Variants in SPAG17 observed in about 807,000 individuals in gnomAD.
The protein encoded by SPAG17 is sperm associated antigen 17, also known as sperm-associated antigen 17.
A neutral mutation model predicts 273.6 loss-of-function variants in SPAG17; 169 were observed. The observed-to-expected ratio is 0.62, with a 90% CI of 0.55 to 0.70. The LOEUF (loss-of-function observed/expected upper bound fraction) is 0.70. Among genes scored for constraint, SPAG17 ranks in the 30% least tolerant of loss-of-function variants. The pLI is 0.00. For synonymous variants in SPAG17, 825 were observed against 873.2 expected, an observed-to-expected ratio of 0.94 and a Z score of 0.97; for missense variants, 2,557 against 2,627.8, an observed-to-expected ratio of 0.97 and a Z score of 0.59.
At chr1:117,983,385 C>T (rs918852708) in intron 42 of SPAG17, among the ~76,000 whole-genome samples, 1 of 152,198 alleles carries the variant, frequency 6.6e-6, no homozygotes, top group African/African-American at 2.4e-5. Flanking sequence ...TGTTGCATTA[C>T]ATGAGAACTC....
chr1:118,074,422 G>T, intron 16 of SPAG17, 117 bp downstream of exon 16: 2 of 857,040 alleles, frequency 2.3e-6, no homozygotes, highest in Non-Finnish European at 1.9e-6. Context: ...CTCTTTTCTA[G>T]CCTCAGTATT....
In SPAG17 at chr1:118,151,285, G is replaced by A. The variant is rs2102350124; in HGVS notation, c.172C>T (p.Gln58Ter). ...CTGAAGAGTTTACGCTGAGGGACCT[G>A]GACAGCCACGGTAAGGGCTTGGATG... ...LLIQALTVAV[Q>*]VPQRKLFSMV... The change falls in exon 2 of 49, where the codon CAG becomes TAG. Residue 58 changes from glutamine (Q) to a stop codon, truncating the protein, a stop_gained. Coordinates refer to ENST00000336338, the MANE Select transcript of SPAG17 (RefSeq NM_206996.4). LOFTEE classifies it high-confidence loss of function. 6.8e-6 allele frequency: 11 copies of A among 1,613,496 alleles called. No homozygotes were observed. The highest frequency in any genetic ancestry group is 8.5e-6 in the Non-Finnish European group (10 of 1,179,646).
At chr1:118,125,277 G>A (rs1046202990) in intron 3 of SPAG17, among the ~76,000 whole-genome samples, 1 of 150,780 alleles carries the variant, frequency 6.6e-6, no homozygotes, top group Admixed American at 6.6e-5. Context: ...AAATATTTAC[G>A]GGATACAAAG....
intron 13 of SPAG17, among the ~76,000 whole-genome samples, chr1:118,081,880 G>T (rs533144967): frequency 1.5e-3 from 222 of 152,296 alleles, no homozygotes; most frequent in African/African-American, 5.0e-3. Flanking sequence ...CTCCCAAACT[G>T]CTTCATAGCT....
chr1:118,061,296 AC>A (rs965090022), intron 18 of SPAG17, among the ~76,000 whole-genome samples: 2 of 152,248 alleles, frequency 1.3e-5, no homozygotes, highest in African/African-American at 4.8e-5. Context: ...AGATAAAAAA[AC>A]AACCTAAGTA....
intron 1 of SPAG17, among the ~76,000 whole-genome samples, chr1:118,165,388 T>C (rs2102380548): frequency 6.6e-6 from 1 of 152,150 alleles, no homozygotes; most frequent in East Asian, 1.9e-4. Context: ...CCTCCACTCT[T>C]AACCTCACTC....
At chr1:118,062,890 T>C (rs934083951) in intron 18 of SPAG17, among the ~76,000 whole-genome samples, 2 of 152,170 alleles carry the variant, frequency 1.3e-5, no homozygotes, top group Admixed American at 6.5e-5. Context: ...CAGTAGTCCA[T>C]AGAATATGTT....
At chr1:118,048,564 T>C (rs1358277553) in intron 20 of SPAG17, among the ~76,000 whole-genome samples, 1 of 151,832 alleles carries the variant, frequency 6.6e-6, no homozygotes, top group African/African-American at 2.4e-5. Context: ...CAAATAAAAT[T>C]GGAAATAAAG....
intron 23 of SPAG17, among the ~76,000 whole-genome samples, chr1:118,038,415 C>T (rs955214805): frequency 5.0e-4 from 76 of 152,250 alleles, no homozygotes; most frequent in African/African-American, 1.8e-3. Flanking sequence ...AGTCACACTC[C>T]TTGGTGCTTA....
intron 35 of SPAG17, 24 bp downstream of exon 35, chr1:117,994,382 G>T (rs1056389522): frequency 4.4e-6 from 7 of 1,606,184 alleles, no homozygotes; most frequent in Middle Eastern, 3.3e-4. Flanking sequence ...CTAATAAAAT[G>T]ACTTTTTAGA....
intron 15 of SPAG17, among the ~76,000 whole-genome samples, chr1:118,078,175 C>T (rs1260006572): frequency 1.3e-5 from 2 of 152,060 alleles, no homozygotes; most frequent in South Asian, 2.1e-4. Context: ...ACTTCCTTTT[C>T]GACCCACCTC....
intron 1 of SPAG17, among the ~76,000 whole-genome samples, chr1:118,161,316 G>A (rs566337936): frequency 6.6e-6 from 1 of 152,256 alleles, no homozygotes; most frequent in South Asian, 2.1e-4. Context: ...GAAAGTAAAA[G>A]GCAGTGGAGA....
intron 16 of SPAG17, 30 bp downstream of exon 16, chr1:118,074,509 A>T (rs1184676873): frequency 6.3e-7 from 1 of 1,578,544 alleles, no homozygotes; most frequent in South Asian, 1.1e-5. Flanking sequence ...TCATCTTGTC[A>T]TCTACATTTT....
At chr1:118,152,721 C>A (rs1222067036) in intron 1 of SPAG17, among the ~76,000 whole-genome samples, 3 of 152,092 alleles carry the variant, frequency 2.0e-5, no homozygotes, top group Non-Finnish European at 2.9e-5. Flanking sequence ...TGAAAACATT[C>A]TTTTGTCTCT....
intron 17 of SPAG17, among the ~76,000 whole-genome samples, chr1:118,069,294 G>A (rs943510624): frequency 1.5e-5 from 2 of 136,410 alleles, no homozygotes; most frequent in East Asian, 2.1e-4. Flanking sequence ...GCAGTGAGCC[G>A]AGAGCATGCC....
rs747228866 is a variant in SPAG17 at position 117,996,720 on chromosome 1, T to C, written c.4800A>G (p.Ser1600=). Residue 1600 remains serine, a synonymous_variant, in exon 33 of 49, where the codon TCA becomes TCG. Coordinates refer to ENST00000336338, the MANE Select transcript of SPAG17 (RefSeq NM_206996.4). ...CCAATTTTTTTTCAGGTAATATAGTTGATATGCTACCATCAGCCATGACCT... is the reference window on the plus strand; with the variant it reads ...CCAATTTTTTTTCAGGTAATATAGTCGATATGCTACCATCAGCCATGACCT... ...TFQVMADGSI[S]TILPEKKLED... 6.2e-7 allele frequency: 1 copy of C among 1,611,214 alleles called. No individual in the cohort carries two copies. The highest frequency in any genetic ancestry group is 1.1e-5 in the South Asian group (1 of 90,392).
Position 117,971,974 on chromosome 1 carries a change from G to A in SPAG17, c.6215C>T (p.Ser2072Phe). ...ASAAINNAKSSLFGFHLLPSS... is the reference protein window; with the variant it reads ...ASAAINNAKSFLFGFHLLPSS... The stretch of plus-strand genomic sequence containing the variant: ...TGGGAGAAGATGGAACCCAAAAAGG[G>A]ATGACTTTGCATTATTAATGGCAGC... The change falls in exon 45 of 49, where the codon TCC (serine) becomes TTC (phenylalanine). Residue 2072 changes from serine to phenylalanine, a missense_variant. Ser to Phe is a radical substitution (Grantham distance 155, BLOSUM62 -2). Transcript: ENST00000336338. 6.2e-7 allele frequency: 1 copy of A among 1,614,106 alleles called. No individual in the cohort carries two copies. Among genetic ancestry groups the A allele is most frequent in the Non-Finnish European group, 8.5e-7 (1 of 1,179,996 alleles).
intron 18 of SPAG17, among the ~76,000 whole-genome samples, chr1:118,063,635 G>A (rs1652602278): frequency 6.6e-6 from 1 of 152,108 alleles, no homozygotes; most frequent in African/African-American, 2.4e-5. Context: ...AAAAACCCTA[G>A]AAGAAAACCT....
At chr1:117,960,514 T>G (rs772253352) in intron 48 of SPAG17, 1 of 152,286 alleles carries the variant, frequency 6.6e-6, no homozygotes, top group Non-Finnish European at 1.5e-5. Flanking sequence ...GTGGTACTTA[T>G]CAAGCATCAG....
Sources: gnomAD v4.1 joint callset for allele counts (sites outside exome capture counted in the v4.1 genomes callset) on GRCh38, gnomAD v4.1.1 for gene constraint, MANE v1.5 for transcripts, NCBI Gene and HGNC (gene_info 2026-07-23, HGNC 2026-07-21) for gene names.